The following TMEM71 variants were observed in gnomAD, a reference collection of about 807,000 sequenced individuals.
The protein encoded by TMEM71 is transmembrane protein 71.
A neutral mutation model predicts 38.0 loss-of-function variants in TMEM71; 44 were observed. That is an observed-to-expected ratio of 1.16 (90% confidence interval 0.91 to 1.49). The LOEUF (loss-of-function observed/expected upper bound fraction) is 1.49, where lower values mean the gene tolerates loss of function less well. Ranked by LOEUF, TMEM71 falls within the 40% of genes most tolerant of loss-of-function variation. TMEM71 has a pLI of 0.00. For missense variants in TMEM71, 367 were observed against 348.6 expected (o/e 1.05, Z -0.42); for synonymous variants, 133 against 122.5 (o/e 1.09, Z -0.56).
chr8:132,716,024 C>T (rs1362756697), intron 7 of TMEM71, among the ~76,000 whole-genome samples: 1 of 152,200 alleles, frequency 6.6e-6, no homozygotes, highest in Non-Finnish European at 1.5e-5. Context: ...GGGTTGTGGG[C>T]TTCGCAGAGC....
chr8:132,775,712 A>T, the TMEM71 span: 1 of 300,830 alleles, frequency 3.3e-6, no homozygotes, highest in Non-Finnish European at 6.0e-6. Context: ...GGACGCCCCC[A>T]TTCTGGTGTC....
chr8:132,732,476 G>A (rs1271877128), intron 5 of TMEM71, among the ~76,000 whole-genome samples: 1 of 152,168 alleles, frequency 6.6e-6, no homozygotes, highest in Non-Finnish European at 1.5e-5. Context: ...CCCAGGAGAT[G>A]ATTCTGTCTG....
chr8:132,717,184 A>T (rs1256124773), intron 7 of TMEM71, among the ~76,000 whole-genome samples: 1 of 152,228 alleles, frequency 6.6e-6, no homozygotes. Context: ...GCAATGATTT[A>T]TTGAATGTGA....
In TMEM71 at chr8:132,713,484, T is replaced by C. The variant is rs185827813; in HGVS notation, c.872+511A>G. Among the ~76,000 whole-genome samples the C allele has an allele frequency of 6.0e-3, 912 of 152,264 alleles. 3 individuals are homozygous for C. Among genetic ancestry groups the C allele is most frequent in the Non-Finnish European group, 9.8e-3 (665 of 68,030 alleles). ...GTAATTAACACAGTCCATCGTGCAA[T>C]AGGATGGTGCTATCCAGACTGTTTG... On this transcript the variant is annotated intron_variant, in intron 9 of 9. Coordinates refer to ENST00000677595, the MANE Select transcript of TMEM71 (RefSeq NM_001382403.1).
rs150230126 is a variant in TMEM71, at chr8:132,720,369, A to C, written c.752+1671T>G. Among the ~76,000 whole-genome samples, 425 of 152,316 alleles carry C rather than the reference A, an allele frequency of 2.8e-3. 2 individuals carry two copies. Among genetic ancestry groups the C allele is most frequent in the African/African-American group, 9.6e-3 (399 of 41,570 alleles). ...TTTACAGTCCTGTGAAAGAAAAGAA[A>C]GGGCTCTGCGATCAACTTGGAGGTG... is the stretch of plus-strand genomic sequence containing the variant. On this transcript the variant is annotated intron_variant, in intron 7 of 9. Transcript: ENST00000677595.
intron 5 of TMEM71, among the ~76,000 whole-genome samples, chr8:132,746,418 CAT>C (rs1287523872): frequency 1.0e-3 from 39 of 37,548 alleles, no homozygotes; most frequent in African/African-American, 3.2e-3. Flanking sequence ...TATACACACA[CAT>C]ATATATACAT....
At chr8:132,738,324 G>A (rs1467068275) in intron 5 of TMEM71, among the ~76,000 whole-genome samples, 1 of 152,120 alleles carries the variant, frequency 6.6e-6, no homozygotes, top group Non-Finnish European at 1.5e-5. Context: ...TTGGTGACTT[G>A]CAGAATTTTT....
Position 132,710,672 on chromosome 8 carries a change from TA to T in TMEM71, c.*294del, listed in dbSNP as rs1258748441. 5.2e-5 allele frequency: 28 copies of T among 540,464 alleles called. No individual in the cohort carries two copies. Among genetic ancestry groups the T allele is most frequent in the Non-Finnish European group, 8.7e-5 (27 of 311,642 alleles). 33.5% of individuals were successfully genotyped at this position (540,464 alleles called of 1,614,324 possible). On this transcript the variant is annotated 3_prime_UTR_variant, in exon 10 of 10. Transcript: ENST00000677595. The stretch of plus-strand genomic sequence containing the variant: ...CGAGAACCACTGCCTTAAAGAATCA[TA>T]GGGGGACATTTATTCCAGGCGGTCT...
At chr8:132,757,204 T>G in intron 3 of TMEM71, 30 bp downstream of exon 3, 1 of 1,569,036 alleles carries the variant, frequency 6.4e-7, no homozygotes, top group East Asian at 2.3e-5. Context: ...CCAGAATGAT[T>G]ATTTTTTTAA....
chr8:132,747,208 A>C (rs2131158712), intron 4 of TMEM71, 94 bp from the exon 5 acceptor site: 1 of 1,102,032 alleles, frequency 9.1e-7, no homozygotes, highest in East Asian at 2.7e-5. Context: ...CTACAACCCA[A>C]GTCTGCTCAC....
chr8:132,759,432 A>G (rs1400709085), intron 1 of TMEM71: 3 of 152,212 alleles, frequency 2.0e-5, no homozygotes, highest in Admixed American at 6.5e-5. Flanking sequence ...AATAGTTTTT[A>G]TCAGCCTGGA....
At chr8:132,747,528 G>T (rs1000375528) in intron 4 of TMEM71, among the ~76,000 whole-genome samples, 3 of 152,182 alleles carry the variant, frequency 2.0e-5, no homozygotes, top group African/African-American at 7.2e-5. Context: ...AAGTCACTTG[G>T]CTGAGGTCAT....
chr8:132,743,145 T>C (rs190276542), intron 5 of TMEM71, among the ~76,000 whole-genome samples: 5 of 151,480 alleles, frequency 3.3e-5, no homozygotes, highest in Admixed American at 2.0e-4. Context: ...TCATGACACA[T>C]GCTCAAATTT....
intron 9 of TMEM71, among the ~76,000 whole-genome samples, chr8:132,711,433 G>A (rs1213565086): frequency 7.2e-5 from 11 of 152,116 alleles, no homozygotes; most frequent in South Asian, 4.1e-4. Context: ...CTCCTGCCCC[G>A]TAGAACAGCC....
chr8:132,719,361 A>G (rs530327681), intron 7 of TMEM71, among the ~76,000 whole-genome samples: 2 of 152,370 alleles, frequency 1.3e-5, no homozygotes, highest in South Asian at 2.1e-4. Context: ...AAACTTCCAC[A>G]CCTGACTTCA....
At chr8:132,714,237 G>A in intron 7 of TMEM71, 22 bp from the exon 8 acceptor site, 1 of 1,580,098 alleles carries the variant, frequency 6.3e-7, no homozygotes, top group Non-Finnish European at 8.7e-7. Flanking sequence ...AGATTGCTCT[G>A]ATTTAGCATA....
At chr8:132,717,164 A>C (rs1324071385) in intron 7 of TMEM71, among the ~76,000 whole-genome samples, 2 of 152,200 alleles carry the variant, frequency 1.3e-5, no homozygotes, top group Non-Finnish European at 2.9e-5. Flanking sequence ...ACTTCATGAC[A>C]TTGGATTTGG....
At chr8:132,732,163 T>C (rs796584294) in intron 5 of TMEM71, among the ~76,000 whole-genome samples, 4 of 152,292 alleles carry the variant, frequency 2.6e-5, no homozygotes, top group African/African-American at 7.2e-5. Flanking sequence ...TAGGATGCAA[T>C]GAGGTAATTG....
chr8:132,725,751 G>A (rs147065247), intron 6 of TMEM71, among the ~76,000 whole-genome samples: 3 of 152,162 alleles, frequency 2.0e-5, no homozygotes, highest in Admixed American at 1.3e-4. Context: ...GAAGTGAAGC[G>A]CTACCTCCAC....
Sources: allele counts gnomAD v4.1 joint callset (sites outside exome capture counted in the v4.1 genomes callset), GRCh38; gene constraint gnomAD v4.1.1; transcripts MANE v1.5; gene names NCBI Gene and HGNC (gene_info 2026-07-23, HGNC 2026-07-21).